The following GINM1 variants were observed in gnomAD, a reference collection of about 807,000 sequenced individuals.
GINM1 encodes glycosylated integral membrane protein 1.
GINM1 carries 29 observed loss-of-function variants against 37.8 expected under a neutral mutation model. That is an observed-to-expected ratio of 0.77 (90% confidence interval 0.57 to 1.05). The LOEUF is 1.05. Among genes scored for constraint, GINM1 ranks in the 50% least tolerant of loss-of-function variants. The pLI is 0.00. For missense variants in GINM1, 377 were observed against 397.9 expected (o/e 0.95, Z 0.45); for synonymous variants, 143 against 146.2 (o/e 0.98, Z 0.16).
chr6:149,570,181 T>C (rs1401660458), intron 1 of GINM1, among the ~76,000 whole-genome samples: 1 of 103,420 alleles, frequency 9.7e-6, no homozygotes, highest in Non-Finnish European at 1.9e-5. Context: ...TATATATATA[T>C]ATATATATAT....
rs1582737038 is a variant in GINM1 at position 149,582,489 on chromosome 6, G to A, written c.767G>A (p.Trp256Ter). The change falls in exon 7 of 8, where the codon TGG becomes TAG. Residue 256 changes from tryptophan to a stop codon, truncating the protein, a stop_gained. Coordinates refer to ENST00000367419, the MANE Select transcript of GINM1 (RefSeq NM_138785.5). LOFTEE classifies it high-confidence loss of function. The part of the protein sequence containing the change: ...EKFRKDLCRF[W>*]SNVFPVFFQF... ...TTTAGAAAAGATCTGTGTAGGTTCT[G>A]GAGCAACGTTTTCCCAGTATTCTTT... 3 of 1,612,208 alleles carry A rather than the reference G, an allele frequency of 1.9e-6. No individual in the cohort carries two copies. Among genetic ancestry groups the A allele is most frequent in the Non-Finnish European group, 2.5e-6 (3 of 1,179,598 alleles).
intron 4 of GINM1, 35 bp downstream of exon 4, chr6:149,579,008 G>T: frequency 7.5e-7 from 1 of 1,333,594 alleles, no homozygotes; most frequent in South Asian, 1.3e-5. Flanking sequence ...GGAATTAAAT[G>T]ATATTTAGAT....
In GINM1 at chr6:149,579,825, C is replaced by A. The variant is rs1777971127; in HGVS notation, c.430-9C>A. The stretch of plus-strand genomic sequence containing the variant: ...TTAAAATAAAGAATAATTATATTTT[C>A]TTTCACAGGTTCAGCAAAAGGATGT... On this transcript the variant is annotated splice_polypyrimidine_tract_variant and intron_variant, in intron 4 of 7. Transcript: ENST00000367419. 3.2e-6 allele frequency: 5 copies of A among 1,542,030 alleles called. No individual in the cohort carries two copies. Among genetic ancestry groups the A allele is most frequent in the Admixed American group, 4.1e-5 (2 of 48,544 alleles).
At chr6:149,587,616 G>C (rs1456726991) in intron 7 of GINM1, among the ~76,000 whole-genome samples, 2 of 152,152 alleles carry the variant, frequency 1.3e-5, no homozygotes, top group African/African-American at 4.8e-5. Flanking sequence ...GAGGGGGAGA[G>C]GGGTTCAGAG....
At chr6:149,577,017 C>T (rs1393289539) in intron 3 of GINM1, among the ~76,000 whole-genome samples, 1 of 152,174 alleles carries the variant, frequency 6.6e-6, no homozygotes, top group East Asian at 1.9e-4. Context: ...CATGGCAGAG[C>T]AGGAGCAAGA....
At chr6:149,574,199 C>A (rs187581806) in intron 3 of GINM1, among the ~76,000 whole-genome samples, 4 of 151,816 alleles carry the variant, frequency 2.6e-5, no homozygotes, top group Middle Eastern at 3.4e-3. Context: ...TACAGGTGCC[C>A]GCCACCATGC....
Position 149,580,730 on chromosome 6 carries a change from C to G in GINM1, c.717+7C>G. 1 of 1,599,300 alleles carries G rather than the reference C, an allele frequency of 6.3e-7. No homozygotes were observed. The highest frequency in any genetic ancestry group is 8.5e-7 in the Non-Finnish European group (1 of 1,170,630). ...GCCGCCATCTTCATATAAGGTAAAT[C>G]AAGTATTTGGTGTTATCATAAGCAT... On this transcript the variant is annotated splice_region_variant and intron_variant, in intron 6 of 7. Transcript: ENST00000367419.
intron 3 of GINM1, 70 bp downstream of exon 3, chr6:149,572,673 T>A (rs766071498): frequency 1.1e-4 from 107 of 1,008,668 alleles, no homozygotes; most frequent in Non-Finnish European, 1.7e-4. Flanking sequence ...TTGTTGTTGT[T>A]TGTTTTTTGA....
At chr6:149,582,027 G>A (rs1415226176) in intron 6 of GINM1, 3 of 471,314 alleles carry the variant, frequency 6.4e-6, no homozygotes, top group Middle Eastern at 3.2e-4. Context: ...TTTCTAATAT[G>A]TTTGTCTTTC....
Position 149,591,731 on chromosome 6 carries a change from T to C in GINM1, c.*893T>C, listed in dbSNP as rs1390013784. On this transcript the variant is annotated 3_prime_UTR_variant, in exon 8 of 8. Coordinates refer to ENST00000367419, the MANE Select transcript of GINM1 (RefSeq NM_138785.5). Reference sequence around the variant, plus strand: ...TCACTCTAAAATAAACTTTTTTTTTTTTTTTTTGAGGAAAAAAGTATAGCT... The same window carrying C: ...TCACTCTAAAATAAACTTTTTTTTTCTTTTTTTGAGGAAAAAAGTATAGCT... 6.6e-6 allele frequency: 1 copy of C among 151,742 alleles called. No individual in the cohort carries two copies. Among genetic ancestry groups the C allele is most frequent in the Non-Finnish European group, 1.5e-5 (1 of 67,960 alleles). 9.4% of individuals were successfully genotyped at this position (151,742 alleles called of 1,614,324 possible). A position where few individuals can be genotyped will look rare whatever the true frequency, so the allele number is the denominator to read the frequency against.
chr6:149,567,631 A>G (rs568932674), intron 1 of GINM1, among the ~76,000 whole-genome samples: 2 of 152,314 alleles, frequency 1.3e-5, no homozygotes, highest in African/African-American at 4.8e-5. Context: ...AGGGAGCTCA[A>G]AACAAAACAA....
At chr6:149,580,558 A>G in intron 5 of GINM1, 35 bp from the exon 6 acceptor site, 10 of 1,588,442 alleles carry the variant, frequency 6.3e-6, no homozygotes, top group Non-Finnish European at 8.6e-6. Context: ...ATAAGACACC[A>G]GCATTTTGGT....
At chr6:149,582,399 A>G (rs774314234) in intron 6 of GINM1, 41 bp from the exon 7 acceptor site, 1 of 1,532,634 alleles carries the variant, frequency 6.5e-7, no homozygotes, top group East Asian at 2.3e-5. Context: ...ATTCTTAGAG[A>G]TTGATGCAAC....
At chr6:149,584,168 G>A (rs999651633) in intron 7 of GINM1, among the ~76,000 whole-genome samples, 1 of 152,018 alleles carries the variant, frequency 6.6e-6, no homozygotes, top group Admixed American at 6.6e-5. Flanking sequence ...TAGAGATGGG[G>A]TTTTTCCACG....
At chr6:149,590,272 A>G (rs1778134764) in intron 7 of GINM1, among the ~76,000 whole-genome samples, 1 of 152,234 alleles carries the variant, frequency 6.6e-6, no homozygotes, top group South Asian at 2.1e-4. Context: ...TCTTATTAGA[A>G]TAACACTGAA....
chr6:149,566,658 G>C lies in GINM1; in HGVS notation c.120+124G>C. 7.8e-7 allele frequency: 1 copy of C among 1,273,954 alleles called. No homozygotes were observed. The allele number at this position is 1,273,954 out of a possible 1,614,324, so 78.9% of individuals were successfully genotyped here. On this transcript the variant is annotated intron_variant, in intron 1 of 7. Transcript: ENST00000367419. This position sits in a 1 kb window ranked among gnomAD's most constrained non-coding sequence, Gnocchi z 4.4. ...GGGGCGGGGGTCCGGGCCCCCGAAG[G>C]AGGTGTGGGGAGAAGCACCCCAGGA... is the stretch of plus-strand genomic sequence containing the variant.
intron 4 of GINM1, 48 bp from the exon 5 acceptor site, chr6:149,579,786 G>A: frequency 1.6e-6 from 2 of 1,216,648 alleles, no homozygotes; most frequent in Non-Finnish European, 2.3e-6. Context: ...ATTTTTATGG[G>A]GCTGTGCTAC....
chr6:149,577,836 C>T (rs1194240370), intron 3 of GINM1, among the ~76,000 whole-genome samples: 1 of 152,148 alleles, frequency 6.6e-6, no homozygotes, highest in East Asian at 1.9e-4. Flanking sequence ...TTTTCGATAG[C>T]ACTTCTACCT....
At chr6:149,576,125 T>C (rs1244866367) in intron 3 of GINM1, 1 of 152,142 alleles carries the variant, frequency 6.6e-6, no homozygotes. Context: ...CAGGGTCCTG[T>C]GGTTCTCAAA....
Sources: gnomAD v4.1 joint callset for allele counts (sites outside exome capture counted in the v4.1 genomes callset) on GRCh38, gnomAD v4.1.1 for gene constraint, Gnocchi (gnomAD v3.1) non-coding constraint, MANE v1.5 for transcripts, NCBI Gene and HGNC (gene_info 2026-07-23, HGNC 2026-07-21) for gene names.